KATNIP: variants seen among roughly 807,000 people sequenced by gnomAD.
KATNIP encodes katanin interacting protein, also known as katanin-interacting protein.
In KATNIP, 126 loss-of-function variants were observed where a neutral mutation model predicts 174.0. That is an observed-to-expected ratio of 0.72 (90% CI 0.63 to 0.84). The LOEUF is 0.84. KATNIP is among the 40% of genes least tolerant of loss of function. KATNIP has a pLI of 0.00. For synonymous variants in KATNIP, 810 were observed against 835.7 expected (o/e 0.97, Z 0.53); for missense variants, 1,958 against 2,109.7 (o/e 0.93, Z 1.41).
chr16:27,647,971 T>C (rs1364981637), intron 5 of KATNIP, among the ~76,000 whole-genome samples: 9 of 152,060 alleles, frequency 5.9e-5, no homozygotes, highest in African/African-American at 2.2e-4. Flanking sequence ...TTTTGAGAAG[T>C]TTAGCACCTA....
intron 18 of KATNIP, among the ~76,000 whole-genome samples, chr16:27,760,106 G>T (rs1365771976): frequency 6.6e-6 from 1 of 152,184 alleles, no homozygotes. Flanking sequence ...TGGCCACAAA[G>T]AAGTCCTTTC....
Position 27,670,959 on chromosome 16 carries a change from C to T in KATNIP, c.541-6770C>T, listed in dbSNP as rs949955158. On this transcript the variant is annotated intron_variant, in intron 6 of 27. Transcript: ENST00000261588. ...GTAATCCAAGCACTTTGGGAAGCCA[C>T]GGCAGGTGGATCACCTGAGGTCAAG... Among the ~76,000 whole-genome samples, 5 of 152,034 alleles carry T rather than the reference C, an allele frequency of 3.3e-5. No homozygotes were observed. In the South Asian group the frequency reaches 1.0e-3, roughly 32 times the overall value.
Position 27,677,791 on chromosome 16 carries a change from C to T in KATNIP, c.603C>T (p.Ser201=), listed in dbSNP as rs771407596. ...NLQRKQKDCS[S]DEYDSIEEDI... is the part of the protein sequence containing the mutation. ...AAAGGAAACAAAAGGATTGTTCCAG[C>T]GATGAGTATGACTCTATTGAGGAAG... The change falls in exon 7 of 28, where the codon AGC becomes AGT. Residue 201 remains serine, a synonymous_variant. Transcript: ENST00000261588. The T allele has an allele frequency of 3.5e-5, 56 of 1,613,992 alleles. No homozygotes were observed. The highest frequency in any genetic ancestry group is 8.8e-5 in the South Asian group (8 of 91,086).
chr16:27,642,346 G>A (rs1035455010), intron 5 of KATNIP, among the ~76,000 whole-genome samples: 6 of 152,162 alleles, frequency 3.9e-5, no homozygotes, highest in African/African-American at 1.4e-4. Flanking sequence ...CTCACTCATA[G>A]GTGGGAATTG....
chr16:27,771,830 A>G (rs1313546410), intron 22 of KATNIP, among the ~76,000 whole-genome samples, 178 bp downstream of exon 22: 1 of 152,158 alleles, frequency 6.6e-6, no homozygotes, highest in Non-Finnish European at 1.5e-5. Context: ...GAGCTGCTGG[A>G]ACTGGGGCAG....
At chr16:27,751,967 G>T in intron 17 of KATNIP, 43 bp downstream of exon 17, 1 of 1,518,548 alleles carries the variant, frequency 6.6e-7, no homozygotes, top group Non-Finnish European at 8.9e-7. Context: ...CCCCAGATAG[G>T]TTTCTTCCCC....
chr16:27,668,481 T>C (rs1393852172), intron 6 of KATNIP, among the ~76,000 whole-genome samples: 1 of 152,208 alleles, frequency 6.6e-6, no homozygotes, highest in Non-Finnish European at 1.5e-5. Flanking sequence ...CTGCCATGAT[T>C]GTGAGGCCTC....
chr16:27,740,470 C>T lies in KATNIP; in HGVS notation c.2173C>T (p.Pro725Ser). The stretch of plus-strand genomic sequence containing the variant: ...CACTTCCCCACCTGTGAAGTGCCCT[C>T]CTGTCCATGAGGAGCCCTCTCTCAT... The part of the protein sequence containing the change: ...PATSPPVKCP[P>S]VHEEPSLIQQ... Residue 725 changes from proline (P) to serine (S), a missense_variant, in exon 15 of 28, where the codon CCT (proline) becomes TCT (serine). By Grantham distance (74) the Pro-to-Ser change is moderately conservative. Coordinates refer to ENST00000261588, the MANE Select transcript of KATNIP (RefSeq NM_015202.5). 6.2e-7 allele frequency: 1 copy of T among 1,614,142 alleles called. No individual in the cohort carries two copies. Among genetic ancestry groups the T allele is most frequent in the Non-Finnish European group, 8.5e-7 (1 of 1,180,042 alleles).
chr16:27,566,864 C>G (rs536388427), intron 1 of KATNIP, among the ~76,000 whole-genome samples: 14 of 152,208 alleles, frequency 9.2e-5, no homozygotes, highest in Non-Finnish European at 1.6e-4. Context: ...GAAATCAGAT[C>G]GTCAGACAAC....
chr16:27,697,366 G>A (rs1419350154), intron 8 of KATNIP, among the ~76,000 whole-genome samples: 1 of 151,958 alleles, frequency 6.6e-6, no homozygotes. Flanking sequence ...GTGTGAGATG[G>A]TATCTCCTTG....
At chr16:27,661,923 T>C (rs1393939583) in intron 6 of KATNIP, among the ~76,000 whole-genome samples, 4 of 46,204 alleles carry the variant, frequency 8.7e-5, no homozygotes, top group East Asian at 1.5e-3. Flanking sequence ...TATATATATA[T>C]ATATATATAT....
chr16:27,561,593 C>T (rs866058524), intron 1 of KATNIP, among the ~76,000 whole-genome samples: 6 of 152,156 alleles, frequency 3.9e-5, no homozygotes, highest in African/African-American at 9.7e-5. Flanking sequence ...TATGGGTAAA[C>T]GTAGCGCCTG....
chr16:27,653,551 TG>T (rs1419382943), intron 6 of KATNIP, among the ~76,000 whole-genome samples: 1 of 152,114 alleles, frequency 6.6e-6, no homozygotes, highest in Non-Finnish European at 1.5e-5. Context: ...TCCTGCTGTT[TG>T]GGGTTACCAT....
intron 14 of KATNIP, among the ~76,000 whole-genome samples, chr16:27,730,636 C>T (rs1487723446): frequency 6.6e-6 from 1 of 152,224 alleles, no homozygotes; most frequent in Non-Finnish European, 1.5e-5. Context: ...ACCTGCCTTT[C>T]AAAACATTGA....
intron 7 of KATNIP, among the ~76,000 whole-genome samples, chr16:27,679,643 T>C (rs1463713684): frequency 6.6e-6 from 1 of 151,754 alleles, no homozygotes; most frequent in African/African-American, 2.4e-5. Context: ...TCCTAGCTAC[T>C]TGGGAGGCTG....
At chr16:27,768,179 C>A (rs2082184671) in intron 20 of KATNIP, among the ~76,000 whole-genome samples, 2 of 152,292 alleles carry the variant, frequency 1.3e-5, no homozygotes, top group South Asian at 4.1e-4. Flanking sequence ...CCCCAAAAGG[C>A]CTTCCCGAGC....
intron 6 of KATNIP, among the ~76,000 whole-genome samples, chr16:27,650,752 C>T (rs549146523): frequency 6.6e-6 from 1 of 152,190 alleles, no homozygotes; most frequent in East Asian, 1.9e-4. Flanking sequence ...TGTAAAATAC[C>T]CGAGTATGTT....
intron 2 of KATNIP, among the ~76,000 whole-genome samples, chr16:27,596,393 A>G: frequency 6.6e-6 from 1 of 152,100 alleles, no homozygotes; most frequent in East Asian, 1.9e-4. Context: ...GATGGGAGAG[A>G]GAGTGAGAGC....
chr16:27,574,350 C>T (rs1244664264), intron 2 of KATNIP: 9 of 216,278 alleles, frequency 4.2e-5, no homozygotes, highest in South Asian at 3.4e-4. Flanking sequence ...ATGGCTGTGT[C>T]GACTGGGGGG....
Sources: gnomAD v4.1 joint callset for allele counts (sites outside exome capture counted in the v4.1 genomes callset) on GRCh38, gnomAD v4.1.1 for gene constraint, MANE v1.5 for transcripts, NCBI Gene and HGNC (gene_info 2026-07-23, HGNC 2026-07-21) for gene names.